HS3ST5: variants seen among roughly 807,000 people sequenced by gnomAD.
HS3ST5 encodes heparan sulfate-glucosamine 3-sulfotransferase 5, also known as heparan sulfate glucosamine 3-O-sulfotransferase 5.
Under a neutral mutation model 25.4 loss-of-function variants are expected in HS3ST5, and 10 were observed. That is an observed-to-expected ratio of 0.39 (90% confidence interval 0.24 to 0.67). HS3ST5 has a LOEUF of 0.67. HS3ST5 is among the 30% of genes least tolerant of loss of function. HS3ST5 has a pLI of 0.44. For synonymous variants in HS3ST5, 170 were observed against 162.4 expected (o/e 1.05, Z -0.36); for missense variants, 324 against 420.7 (o/e 0.77, Z 2.01).
At chr6:114,251,310 T>C (rs1772648535) in intron 1 of HS3ST5, among the ~76,000 whole-genome samples, 1 of 152,076 alleles carries the variant, frequency 6.6e-6, no homozygotes, top group African/African-American at 2.4e-5. Context: ...TCTGTTAAAG[T>C]TGGAGGTAAT....
intron 2 of HS3ST5, among the ~76,000 whole-genome samples, chr6:114,202,946 C>T (rs1167443396): frequency 6.6e-6 from 1 of 152,102 alleles, no homozygotes; most frequent in Non-Finnish European, 1.5e-5. Context: ...GGCTTTCAGG[C>T]GATAACTTCA....
intron 1 of HS3ST5, among the ~76,000 whole-genome samples, chr6:114,325,303 T>C (rs2114895464): frequency 6.6e-6 from 1 of 152,334 alleles, no homozygotes; most frequent in African/African-American, 2.4e-5. Flanking sequence ...AAAAGAGGTC[T>C]AGGCTTTATG....
chr6:114,146,357 T>C (rs977509467), intron 3 of HS3ST5, among the ~76,000 whole-genome samples: 18 of 152,220 alleles, frequency 1.2e-4, no homozygotes, highest in African/African-American at 3.9e-4. Context: ...GAGAGAATCA[T>C]ATCGTTAAAG....
At chr6:114,220,952 A>G (rs771566555) in intron 2 of HS3ST5, among the ~76,000 whole-genome samples, 4 of 152,042 alleles carry the variant, frequency 2.6e-5, no homozygotes, top group Non-Finnish European at 5.9e-5. Flanking sequence ...CATTATTTTG[A>G]TAATAGGCAA....
At chr6:114,170,982 A>G (rs1176980829) in intron 2 of HS3ST5, among the ~76,000 whole-genome samples, 3 of 152,090 alleles carry the variant, frequency 2.0e-5, no homozygotes, top group East Asian at 3.9e-4. Context: ...GTTGGTTTCT[A>G]TTGTGGACTC....
At chr6:114,158,943 A>T (rs1305581145) in intron 3 of HS3ST5, among the ~76,000 whole-genome samples, 1 of 152,252 alleles carries the variant, frequency 6.6e-6, no homozygotes, top group Non-Finnish European at 1.5e-5. Context: ...TCAAATCCAG[A>T]TGCAAATGCA....
At chr6:114,266,164 C>T (rs1337541599) in intron 1 of HS3ST5, among the ~76,000 whole-genome samples, 3 of 152,112 alleles carry the variant, frequency 2.0e-5, no homozygotes, top group Non-Finnish European at 4.4e-5. Context: ...GATGCCATAT[C>T]CAAAAATTTA....
chr6:114,331,551 A>G (rs1045501267), intron 1 of HS3ST5, among the ~76,000 whole-genome samples: 2 of 152,180 alleles, frequency 1.3e-5, no homozygotes, highest in Non-Finnish European at 2.9e-5. Context: ...AGTAAATTAA[A>G]TATGTCAATG....
chr6:114,181,088 G>A (rs935865400), intron 2 of HS3ST5, among the ~76,000 whole-genome samples: 22 of 152,164 alleles, frequency 1.4e-4, no homozygotes, highest in African/African-American at 5.3e-4. Context: ...CTGTAGTCAA[G>A]TTATTCTTCT....
At chr6:114,232,313 T>C (rs1249959052) in intron 1 of HS3ST5, among the ~76,000 whole-genome samples, 1 of 152,176 alleles carries the variant, frequency 6.6e-6, no homozygotes, top group Non-Finnish European at 1.5e-5. Context: ...TCTCAAATTT[T>C]ATCTTTAGCT....
chr6:114,298,868 T>C (rs570798048), intron 1 of HS3ST5, among the ~76,000 whole-genome samples: 19 of 152,304 alleles, frequency 1.2e-4, no homozygotes, highest in Non-Finnish European at 1.5e-5. Flanking sequence ...TCTCACAAGC[T>C]GAGGAGTATG....
At position 114,264,616 on chromosome 6, in the gene HS3ST5, C is replaced by T. The variant is rs992438544; in HGVS notation, c.-338-35838G>A. Among the ~76,000 whole-genome samples the T allele has an allele frequency of 6.4e-4, 97 of 151,780 alleles. 1 individual carries two copies. The highest frequency in any genetic ancestry group is 6.2e-3 in the Admixed American group (95 of 15,242). Reference sequence around the variant, plus strand: ...AATGTGGTGTCTCTTTTTCTTTTTTCTTCTTATACTTATTTGTAAGAGTTT... The same window carrying T: ...AATGTGGTGTCTCTTTTTCTTTTTTTTTCTTATACTTATTTGTAAGAGTTT... On this transcript the variant is annotated intron_variant, in intron 1 of 4. Coordinates refer to ENST00000312719, the MANE Select transcript of HS3ST5 (RefSeq NM_153612.4).
chr6:114,163,187 C>T (rs769733723), intron 3 of HS3ST5, among the ~76,000 whole-genome samples: 5 of 152,062 alleles, frequency 3.3e-5, no homozygotes, highest in Non-Finnish European at 7.4e-5. Flanking sequence ...AATTCTCTTT[C>T]GTTTTTAAAG....
chr6:114,147,277 C>T (rs1778216776), intron 3 of HS3ST5, among the ~76,000 whole-genome samples: 1 of 152,174 alleles, frequency 6.6e-6, no homozygotes, highest in Non-Finnish European at 1.5e-5. Flanking sequence ...GAGGATGCCA[C>T]AGACTATTTT....
chr6:114,282,415 A>G (rs904987056), intron 1 of HS3ST5, among the ~76,000 whole-genome samples: 2 of 151,988 alleles, frequency 1.3e-5, no homozygotes, highest in African/African-American at 4.8e-5. Flanking sequence ...GGAGAACGCC[A>G]AAATAAACCT....
At chr6:114,108,844 T>C in intron 3 of HS3ST5, among the ~76,000 whole-genome samples, 1 of 152,190 alleles carries the variant, frequency 6.6e-6, no homozygotes, top group South Asian at 2.1e-4. Flanking sequence ...TTATTATATG[T>C]CAAGTCTACC....
Position 114,058,292 on chromosome 6 carries a change from G to A in HS3ST5, c.108-102C>T, listed in dbSNP as rs550027611. 7.2e-6 allele frequency: 6 copies of A among 833,414 alleles called. No homozygotes were observed. The Admixed American group carries it at 1.4e-4, about 20-fold the overall frequency. 51.6% of individuals were successfully genotyped at this position (833,414 alleles called of 1,614,324 possible). On this transcript the variant is annotated intron_variant, in intron 4 of 4. Transcript: ENST00000312719. Reference sequence around the variant, plus strand: ...CTTTAAATGCATAAATAAAGCCACTGGTTCCCAGCCTGCTGCAATCCATAA... The same window carrying A: ...CTTTAAATGCATAAATAAAGCCACTAGTTCCCAGCCTGCTGCAATCCATAA...
At chr6:114,329,375 T>G (rs995531132) in intron 1 of HS3ST5, among the ~76,000 whole-genome samples, 3 of 152,178 alleles carry the variant, frequency 2.0e-5, no homozygotes, top group Non-Finnish European at 4.4e-5. Context: ...AACCTAAAAC[T>G]CTGTAATAGC....
chr6:114,138,528 A>G (rs1777748347), intron 3 of HS3ST5, among the ~76,000 whole-genome samples: 1 of 152,206 alleles, frequency 6.6e-6, no homozygotes, highest in African/African-American at 2.4e-5. Flanking sequence ...AGTTGGAATG[A>G]GCAGGTAACC....
Sources: allele counts gnomAD v4.1 joint callset (sites outside exome capture counted in the v4.1 genomes callset), GRCh38; gene constraint gnomAD v4.1.1; transcripts MANE v1.5; gene names NCBI Gene and HGNC (gene_info 2026-07-23, HGNC 2026-07-21).